The following ZNF502 variants were observed in gnomAD, a reference collection of about 807,000 sequenced individuals.
ZNF502 encodes the protein zinc finger protein 502.
Under a neutral mutation model 43.6 loss-of-function variants are expected in ZNF502, and 29 were observed. The observed-to-expected ratio is 0.67, with a 90% CI of 0.50 to 0.91. ZNF502 has a LOEUF of 0.91. ZNF502 is among the 40% of genes least tolerant of loss of function. The probability of loss-of-function intolerance (pLI) is 0.00; values close to 1 mark genes in which losing one functional copy is unlikely to be tolerated. For missense variants in ZNF502, 591 were observed against 647.2 expected (o/e 0.91, Z 0.94); for synonymous variants, 171 against 207.4 (o/e 0.82, Z 1.51).
At chr3:44,720,491 T>G (rs1290441858) in intron 2 of ZNF502, among the ~76,000 whole-genome samples, 175 bp downstream of exon 2, 1 of 152,170 alleles carries the variant, frequency 6.6e-6, no homozygotes, top group Non-Finnish European at 1.5e-5. Flanking sequence ...AGTACTAATT[T>G]TATCATTCTC....
chr3:44,715,026 C>T (rs956890551), intron 1 of ZNF502, among the ~76,000 whole-genome samples: 4 of 151,992 alleles, frequency 2.6e-5, no homozygotes, highest in Non-Finnish European at 5.9e-5. Flanking sequence ...CTTTTTCTAC[C>T]TATAAAAGTA....
rs758631108 is a variant in ZNF502 at position 44,721,408 on chromosome 3, C to G, written c.591C>G (p.Phe197Leu). 3.1e-6 allele frequency: 5 copies of G among 1,614,144 alleles called. No individual in the cohort carries two copies. The East Asian group carries it at 1.1e-4, about 36-fold the overall frequency. ...ECGKAFSRSSFLVQHQRIHTG... is the reference protein window; with the variant it reads ...ECGKAFSRSSLLVQHQRIHTG... ...GGAAAGCCTTTAGTCGTAGTTCATT[C>G]CTTGTTCAACATCAAAGAATTCACA... Residue 197 changes from phenylalanine (F) to leucine (L), a missense_variant, in exon 3 of 3, where the codon TTC (phenylalanine) becomes TTG (leucine). Physicochemically the swap from Phe to Leu is conservative, Grantham distance 22. Transcript: ENST00000436624.
intron 1 of ZNF502, among the ~76,000 whole-genome samples, chr3:44,715,293 GAATA>G (rs1005291977): frequency 6.6e-6 from 1 of 152,034 alleles, no homozygotes; most frequent in Non-Finnish European, 1.5e-5. Context: ...ATTTTCTCAT[GAATA>G]TTCTTTGAAA....
intron 2 of ZNF502, 25 bp from the exon 3 acceptor site, chr3:44,720,846 GAT>G: frequency 6.3e-7 from 1 of 1,591,260 alleles, no homozygotes. Context: ...CTGTACAGGA[GAT>G]ATTCATTCTG....
chr3:44,716,832 T>C (rs571037110), intron 1 of ZNF502, among the ~76,000 whole-genome samples: 1 of 152,334 alleles, frequency 6.6e-6, no homozygotes, highest in Non-Finnish European at 1.5e-5. Flanking sequence ...GAACATTGTT[T>C]TGATATGTTT....
chr3:44,717,144 T>A (rs1286062227), intron 1 of ZNF502, among the ~76,000 whole-genome samples: 1 of 152,168 alleles, frequency 6.6e-6, no homozygotes, highest in African/African-American at 2.4e-5. Context: ...TTACTTTTTT[T>A]ATTTAACCCT....
In ZNF502 at chr3:44,722,038, C is replaced by T. The variant is rs1704364885; in HGVS notation, c.1221C>T (p.Tyr407=). The change falls in exon 3 of 3, where the codon TAC becomes TAT. Residue 407 remains tyrosine, a synonymous_variant. Coordinates refer to ENST00000436624, the MANE Select transcript of ZNF502 (RefSeq NM_001134442.3). ...HQRIHTGERP[Y]KCSECGKAFI... is the part of the protein sequence containing the mutation. The stretch of plus-strand genomic sequence containing the variant: ...GAATACATACAGGGGAGAGACCCTA[C>T]AAATGCAGTGAATGTGGTAAAGCCT... The T allele has an allele frequency of 1.2e-6, 2 of 1,614,168 alleles. No homozygotes were observed. Among genetic ancestry groups the T allele is most frequent in the South Asian group, 1.1e-5 (1 of 91,078 alleles).
chr3:44,723,692 A>G lies in ZNF502; in HGVS notation c.*1240A>G, dbSNP rs1326584471. 2 of 152,176 alleles carry G rather than the reference A, an allele frequency of 1.3e-5. No homozygotes were observed. The highest frequency in any genetic ancestry group is 2.9e-5 in the Non-Finnish European group (2 of 68,030). 9.4% of individuals were successfully genotyped at this position (152,176 alleles called of 1,614,324 possible). On this transcript the variant is annotated 3_prime_UTR_variant, in exon 3 of 3. Transcript: ENST00000436624. ...TCCCTTTATTTCCCAAATTCCTTTC[A>G]TGTTCTTAACTGCTACCCAGAAATT...
intron 1 of ZNF502, among the ~76,000 whole-genome samples, chr3:44,717,115 C>T (rs1350499310): frequency 1.3e-5 from 2 of 152,070 alleles, no homozygotes; most frequent in Non-Finnish European, 2.9e-5. Flanking sequence ...AATTATTGGT[C>T]ATACTTTATT....
Position 44,721,080 on chromosome 3 carries a change from T to C in ZNF502, c.263T>C (p.Phe88Ser). Residue 88 changes from phenylalanine (F) to serine (S), a missense_variant, in exon 3 of 3, where the codon TTC becomes TCC. Phe to Ser is a radical substitution (Grantham distance 155). Coordinates refer to ENST00000436624, the MANE Select transcript of ZNF502 (RefSeq NM_001134442.3). Reference sequence around the variant, plus strand: ...GAAGGAGGTTTTGGGAGAATAACTTTCATCCACAAAGAAGCACCCCCTGAA... The same window carrying C: ...GAAGGAGGTTTTGGGAGAATAACTTCCATCCACAAAGAAGCACCCCCTGAA... ...FQEGGFGRIT[F>S]IHKEAPPEII... 6.2e-7 allele frequency: 1 copy of C among 1,614,130 alleles called. No homozygotes were observed. The highest frequency in any genetic ancestry group is 8.5e-7 in the Non-Finnish European group (1 of 1,180,000).
At chr3:44,720,156 G>C in intron 1 of ZNF502, 47 bp from the exon 2 acceptor site, 1 of 1,190,516 alleles carries the variant, frequency 8.4e-7, no homozygotes, top group South Asian at 1.2e-5. Context: ...TGTTTACTGG[G>C]ACAGTAATAT....
At chr3:44,718,886 T>C (rs1312716322) in intron 1 of ZNF502, among the ~76,000 whole-genome samples, 2 of 152,140 alleles carry the variant, frequency 1.3e-5, no homozygotes, top group Non-Finnish European at 2.9e-5. Context: ...TCTCTGAGTC[T>C]CTGTAGGATT....
chr3:44,722,223 G>C lies in ZNF502; in HGVS notation c.1406G>C (p.Gly469Ala), dbSNP rs1053056106. Reference protein sequence around the residue: ...GEKPYKCKECGKAFAHSSSLT... With the variant: ...GEKPYKCKECAKAFAHSSSLT... Reference sequence around the variant, plus strand: ...AAGCCCTATAAATGTAAAGAATGTGGGAAAGCCTTTGCTCATAGCTCATCT... The same window carrying C: ...AAGCCCTATAAATGTAAAGAATGTGCGAAAGCCTTTGCTCATAGCTCATCT... Residue 469 changes from glycine to alanine, a missense_variant, in exon 3 of 3, where the codon GGG becomes GCG. Transcript: ENST00000436624. 1.1e-5 allele frequency: 18 copies of C among 1,614,016 alleles called. No individual in the cohort carries two copies. The African/African-American group carries it at 2.3e-4, about 20-fold the overall frequency.
chr3:44,720,886 G>T lies in ZNF502; in HGVS notation c.69G>T (p.Lys23Asn), dbSNP rs1325907772. The T allele has an allele frequency of 7.4e-6, 12 of 1,611,636 alleles. No homozygotes were observed. Among genetic ancestry groups the T allele is most frequent in the Non-Finnish European group, 1.0e-5 (12 of 1,178,868 alleles). Residue 23 changes from lysine (K) to asparagine (N), a missense_variant, in exon 3 of 3, where the codon AAG (lysine) becomes AAT (asparagine). Lys to Asn is a moderately conservative substitution (Grantham distance 94). Transcript: ENST00000436624. ...RRETCPGWVN[K>N]NKPALEQDVC... is the part of the protein sequence containing the mutation. ...GTTTTCTTTCAGGCTGGGTAAACAA[G>T]AACAAGCCTGCTCTGGAGCAGGATG...
intron 1 of ZNF502, among the ~76,000 whole-genome samples, chr3:44,716,163 G>C (rs1704136811): frequency 6.6e-6 from 1 of 150,984 alleles, no homozygotes; most frequent in South Asian, 2.1e-4. Context: ...TCTATTTGTA[G>C]AATTACTAGG....
rs1417480700 is a variant in ZNF502, at chr3:44,720,948, G to A, written c.131G>A (p.Arg44Lys). The change falls in exon 3 of 3, where the codon AGG (arginine) becomes AAG (lysine). Residue 44 changes from arginine (R) to lysine (K), a missense_variant. Physicochemically the swap from Arg to Lys is conservative, Grantham distance 26. Transcript: ENST00000436624. ...GACTCATCAGGGATAGTAGTAAAGA[G>A]GTTCCAAGAGGATGAATACCAAGAT... ...KIDSSGIVVK[R>K]FQEDEYQDST... The A allele has an allele frequency of 1.2e-6, 2 of 1,614,012 alleles. No individual in the cohort carries two copies. The highest frequency in any genetic ancestry group is 1.7e-6 in the Non-Finnish European group (2 of 1,180,018).
chr3:44,716,906 T>A (rs1237966076), intron 1 of ZNF502, among the ~76,000 whole-genome samples: 1 of 152,248 alleles, frequency 6.6e-6, no homozygotes, highest in East Asian at 1.9e-4. Context: ...GTTCATCTTT[T>A]TTTCTTACTC....
intron 1 of ZNF502, chr3:44,714,589 A>T (rs1704098350): frequency 6.6e-6 from 1 of 152,238 alleles, no homozygotes. Context: ...GGCCTGTTAC[A>T]GAAAATGTTT....
At position 44,721,405 on chromosome 3, in the gene ZNF502, A is replaced by C; in HGVS notation, c.588A>C (p.Ser196=). 1 of 1,614,214 alleles carries C rather than the reference A, an allele frequency of 6.2e-7. No individual in the cohort carries two copies. Among genetic ancestry groups the C allele is most frequent in the African/African-American group, 1.3e-5 (1 of 75,066 alleles). ...GTGGGAAAGCCTTTAGTCGTAGTTC[A>C]TTCCTTGTTCAACATCAAAGAATTC... ...EECGKAFSRS[S]FLVQHQRIHT... The change falls in exon 3 of 3, where the codon TCA becomes TCC. Residue 196 remains serine, a synonymous_variant. Coordinates refer to ENST00000436624, the MANE Select transcript of ZNF502 (RefSeq NM_001134442.3).
Sources: allele counts gnomAD v4.1 joint callset (sites outside exome capture counted in the v4.1 genomes callset), GRCh38; gene constraint gnomAD v4.1.1; transcripts MANE v1.5; gene names NCBI Gene and HGNC (gene_info 2026-07-23, HGNC 2026-07-21).